The following TTC29 variants were observed in gnomAD, a reference collection of about 807,000 sequenced individuals.
The protein encoded by TTC29 is tetratricopeptide repeat domain 29.
In TTC29, 49 loss-of-function variants were observed where a neutral mutation model predicts 58.1. That is an observed-to-expected ratio of 0.84 (90% CI 0.67 to 1.07). The LOEUF (loss-of-function observed/expected upper bound fraction) is 1.07. TTC29 is among the 50% of genes least tolerant of loss of function. The pLI, the probability that TTC29 is intolerant of heterozygous loss-of-function variation, is 0.00. For missense variants in TTC29, 582 were observed against 555.6 expected (o/e 1.05, Z -0.48); for synonymous variants, 209 against 196.8 (o/e 1.06, Z -0.52).
chr4:146,857,073 T>A (rs971863979), intron 8 of TTC29, among the ~76,000 whole-genome samples: 8 of 119,722 alleles, frequency 6.7e-5, no homozygotes, highest in African/African-American at 3.0e-4. Context: ...TACTATGCCT[T>A]AAGATTATAT....
At chr4:146,880,607 C>T (rs1210960563) in intron 6 of TTC29, among the ~76,000 whole-genome samples, 1 of 152,144 alleles carries the variant, frequency 6.6e-6, no homozygotes, top group African/African-American at 2.4e-5. Context: ...TGTTGTATCA[C>T]AGCAGATGTC....
At chr4:146,935,633 G>A (rs1487350958) in intron 4 of TTC29, among the ~76,000 whole-genome samples, 3 of 151,944 alleles carry the variant, frequency 2.0e-5, no homozygotes, top group South Asian at 2.1e-4. Context: ...CGGTACAGCC[G>A]GCACTCGATC....
intron 4 of TTC29, among the ~76,000 whole-genome samples, chr4:146,920,289 C>A (rs1734494174): frequency 6.6e-6 from 1 of 150,976 alleles, no homozygotes; most frequent in Non-Finnish European, 1.5e-5. Flanking sequence ...GTAAAACAAT[C>A]AATTCTTTAC....
intron 11 of TTC29, among the ~76,000 whole-genome samples, chr4:146,797,603 GT>G (rs147044818): frequency 2.0e-5 from 3 of 150,764 alleles, no homozygotes; most frequent in Admixed American, 6.6e-5. Context: ...GATCTTTCTG[GT>G]TTTTTTTGTT....
At chr4:146,761,909 G>A (rs943828377) in intron 11 of TTC29, among the ~76,000 whole-genome samples, 6 of 151,642 alleles carry the variant, frequency 4.0e-5, no homozygotes, top group Middle Eastern at 3.4e-3. Context: ...CCTTTGTGAC[G>A]GACATTCTTC....
At chr4:146,825,923 A>C (rs1218552321) in intron 9 of TTC29, among the ~76,000 whole-genome samples, 1 of 146,676 alleles carries the variant, frequency 6.8e-6, no homozygotes, top group African/African-American at 2.5e-5. Flanking sequence ...TAGGATTGCA[A>C]CCCCTGCTTT....
chr4:146,731,453 T>A (rs150888756), intron 11 of TTC29, among the ~76,000 whole-genome samples: 1 of 152,096 alleles, frequency 6.6e-6, no homozygotes, highest in Non-Finnish European at 1.5e-5. Flanking sequence ...ATGTTTTTCT[T>A]CAGAAACATT....
At chr4:146,902,501 C>T (rs533391052) in intron 6 of TTC29, among the ~76,000 whole-genome samples, 5 of 152,324 alleles carry the variant, frequency 3.3e-5, no homozygotes, top group Non-Finnish European at 5.9e-5. Context: ...TCCCACTGGA[C>T]GCAGGTTGTC....
chr4:146,869,948 G>T (rs1014178869), intron 7 of TTC29, among the ~76,000 whole-genome samples: 23 of 152,054 alleles, frequency 1.5e-4, no homozygotes, highest in African/African-American at 5.6e-4. Context: ...TACTAAAATT[G>T]AGTGACACAT....
chr4:146,707,265 T>G (rs1030865233), intron 12 of TTC29, 77 bp from the exon 13 acceptor site: 1 of 1,076,868 alleles, frequency 9.3e-7, no homozygotes, highest in Non-Finnish European at 1.3e-6. Context: ...AAAAATAATT[T>G]GTTTTCTGTA....
chr4:146,820,348 G>T, intron 9 of TTC29, 100 bp from the exon 10 acceptor site: 1 of 1,301,630 alleles, frequency 7.7e-7, no homozygotes, highest in Non-Finnish European at 1.0e-6. Flanking sequence ...ATGCAAGATG[G>T]TTATCAGGAT....
At chr4:146,782,686 A>G (rs1204658157) in intron 11 of TTC29, among the ~76,000 whole-genome samples, 1 of 152,010 alleles carries the variant, frequency 6.6e-6, no homozygotes, top group Non-Finnish European at 1.5e-5. Context: ...GCTGTCTATT[A>G]TAGTGTGTTG....
At chr4:146,821,235 TG>T (rs1270606043) in intron 9 of TTC29, among the ~76,000 whole-genome samples, 1 of 152,062 alleles carries the variant, frequency 6.6e-6, no homozygotes. Context: ...TGACAAATAA[TG>T]GGTACAAGGT....
chr4:146,857,445 T>C (rs972516380), intron 8 of TTC29, among the ~76,000 whole-genome samples: 1 of 152,146 alleles, frequency 6.6e-6, no homozygotes, highest in Non-Finnish European at 1.5e-5. Context: ...AAAACTCTGA[T>C]GTAAAGCAGG....
intron 11 of TTC29, among the ~76,000 whole-genome samples, chr4:146,787,743 C>T (rs755828362): frequency 2.5e-4 from 38 of 152,108 alleles, no homozygotes; most frequent in Admixed American, 2.5e-3. Context: ...AGTATAATGT[C>T]ATGTGTAGCA....
intron 6 of TTC29, among the ~76,000 whole-genome samples, chr4:146,892,417 A>C (rs146204340): frequency 0.014 from 2,069 of 152,324 alleles, 23 homozygotes; most frequent in Middle Eastern, 0.034. Flanking sequence ...ATATAAACAG[A>C]ACCAACGACA....
chr4:146,751,785 C>T (rs1409959883), intron 11 of TTC29, among the ~76,000 whole-genome samples: 1 of 151,760 alleles, frequency 6.6e-6, no homozygotes. Context: ...CATTATACCT[C>T]CAGGAACTAG....
intron 6 of TTC29, among the ~76,000 whole-genome samples, chr4:146,882,349 G>A (rs145134496): frequency 6.6e-6 from 1 of 152,144 alleles, no homozygotes; most frequent in African/African-American, 2.4e-5. Flanking sequence ...AGGTATCAAA[G>A]TTACTCAAAA....
At chr4:146,871,448 C>A (rs1174485481) in intron 7 of TTC29, among the ~76,000 whole-genome samples, 1 of 151,768 alleles carries the variant, frequency 6.6e-6, no homozygotes, top group African/African-American at 2.4e-5. Context: ...AGATAAGGCA[C>A]ATAGATAGAA....
Sources: gnomAD v4.1 joint callset for allele counts (sites outside exome capture counted in the v4.1 genomes callset) on GRCh38, gnomAD v4.1.1 for gene constraint, MANE v1.5 for transcripts, NCBI Gene and HGNC (gene_info 2026-07-23, HGNC 2026-07-21) for gene names.